RTF1: variants seen among roughly 807,000 people sequenced by gnomAD.
RTF1 encodes the protein RTF1 homolog, Paf1/RNA polymerase II complex component, also known as RNA polymerase-associated protein RTF1 homolog.
RTF1 carries 10 observed loss-of-function variants against 95.7 expected under a neutral mutation model. The observed-to-expected ratio is 0.10, with a 90% CI of 0.06 to 0.18. The LOEUF is 0.18. Among genes scored for constraint, RTF1 ranks in the 10% least tolerant of loss-of-function variants. The pLI is 1.00. For synonymous variants in RTF1, 305 were observed against 311.8 expected (o/e 0.98, Z 0.23); for missense variants, 458 against 875.6 (o/e 0.52, Z 6.02).
intron 1 of RTF1, among the ~76,000 whole-genome samples, chr15:41,423,322 C>T (rs900311878): frequency 3.9e-5 from 6 of 152,072 alleles, no homozygotes; most frequent in Admixed American, 6.6e-5. Context: ...TGATGTAATT[C>T]GCTTGTTAAT....
intron 1 of RTF1, among the ~76,000 whole-genome samples, chr15:41,435,487 T>C (rs2050697409): frequency 6.6e-6 from 1 of 152,082 alleles, no homozygotes. Flanking sequence ...CCTCAGGTTT[T>C]AAAACGACTG....
intron 1 of RTF1, among the ~76,000 whole-genome samples, chr15:41,422,103 C>G (rs1263831400): frequency 6.6e-6 from 1 of 152,096 alleles, no homozygotes; most frequent in Non-Finnish European, 1.5e-5. Flanking sequence ...AGCACGATCT[C>G]GACTCACTGC....
At chr15:41,468,972 C>A (rs974953268) in intron 6 of RTF1, among the ~76,000 whole-genome samples, 3 of 151,878 alleles carry the variant, frequency 2.0e-5, no homozygotes, top group East Asian at 1.9e-4. Flanking sequence ...CCATCTTTTT[C>A]TCTCTCTCTT....
intron 17 of RTF1, 119 bp from the exon 18 acceptor site, chr15:41,480,462 G>C: frequency 1.0e-6 from 1 of 958,388 alleles, no homozygotes; most frequent in Non-Finnish European, 1.7e-6. Flanking sequence ...GCCAAGACAG[G>C]CTGTGGGTAT....
At chr15:41,475,340 T>TG (rs2050937176) in intron 9 of RTF1, among the ~76,000 whole-genome samples, 185 bp from the exon 10 acceptor site, 1 of 152,242 alleles carries the variant, frequency 6.6e-6, no homozygotes, top group African/African-American at 2.4e-5. Context: ...TGGTTTCCAG[T>TG]GCTAGCTTTG....
At chr15:41,442,120 T>G (rs1415237939) in intron 2 of RTF1, among the ~76,000 whole-genome samples, 2 of 152,126 alleles carry the variant, frequency 1.3e-5, no homozygotes, top group Admixed American at 6.6e-5. Context: ...TGAGAGATTC[T>G]TAGGTTATAA....
intron 3 of RTF1, among the ~76,000 whole-genome samples, chr15:41,454,666 G>T (rs1054655073): frequency 1.3e-5 from 2 of 152,040 alleles, no homozygotes; most frequent in Admixed American, 1.3e-4. Flanking sequence ...TAAAATAATG[G>T]GACAAACAGA....
intron 3 of RTF1, among the ~76,000 whole-genome samples, chr15:41,454,497 A>AT (rs1186526542): frequency 6.6e-6 from 1 of 152,198 alleles, no homozygotes; most frequent in Non-Finnish European, 1.5e-5. Flanking sequence ...TTACTCAAGA[A>AT]TCCTCAATGA....
At chr15:41,427,145 A>ATTTT (rs1225127893) in intron 1 of RTF1, among the ~76,000 whole-genome samples, 1 of 78,132 alleles carries the variant, frequency 1.3e-5, no homozygotes, top group African/African-American at 6.1e-5. Context: ...TGGTCTACAA[A>ATTTT]TTTTTTTTTT....
At chr15:41,460,335 C>A (rs1012442626) in intron 4 of RTF1, among the ~76,000 whole-genome samples, 1 of 151,944 alleles carries the variant, frequency 6.6e-6, no homozygotes, top group African/African-American at 2.4e-5. Context: ...GTTGGCCAGG[C>A]TGGTCTCAAA....
chr15:41,450,441 C>T (rs570297460), intron 2 of RTF1, among the ~76,000 whole-genome samples: 118 of 152,042 alleles, frequency 7.8e-4, no homozygotes, highest in African/African-American at 2.7e-3. Context: ...CAAAATTAGC[C>T]GGGCGTGGTG....
At chr15:41,427,913 A>C (rs1011220430) in intron 1 of RTF1, among the ~76,000 whole-genome samples, 1 of 151,712 alleles carries the variant, frequency 6.6e-6, no homozygotes, top group Non-Finnish European at 1.5e-5. Flanking sequence ...TAGCTTCCCA[A>C]GTAGCTGGGA....
chr15:41,434,962 CT>C (rs36045578), intron 1 of RTF1, among the ~76,000 whole-genome samples: 27,426 of 131,502 alleles, frequency 0.21, 2,990 homozygotes, highest in Middle Eastern at 0.29. Flanking sequence ...TACAGTAACT[CT>C]TTTTTTTTTT....
intron 1 of RTF1, among the ~76,000 whole-genome samples, chr15:41,422,785 C>CT (rs1331715119): frequency 6.6e-6 from 1 of 151,444 alleles, no homozygotes; most frequent in Admixed American, 6.6e-5. Flanking sequence ...TTTCTTTTTT[C>CT]TTTTTTTTGA....
intron 2 of RTF1, among the ~76,000 whole-genome samples, chr15:41,445,173 G>C (rs2140954866): frequency 6.6e-6 from 1 of 152,068 alleles, no homozygotes; most frequent in Non-Finnish European, 1.5e-5. Flanking sequence ...CTGACCTCGT[G>C]ATCCACCCGC....
intron 8 of RTF1, among the ~76,000 whole-genome samples, chr15:41,472,984 A>T (rs867299735): frequency 6.6e-6 from 1 of 151,862 alleles, no homozygotes; most frequent in Non-Finnish European, 1.5e-5. Flanking sequence ...TACAGGCGTG[A>T]GCCACCGCAC....
intron 8 of RTF1, among the ~76,000 whole-genome samples, chr15:41,473,773 A>G (rs929463924): frequency 1.4e-4 from 20 of 147,008 alleles, no homozygotes; most frequent in Non-Finnish European, 2.4e-4. Context: ...GGCTGGGCGC[A>G]GTGGCTCACG....
chr15:41,471,963 G>A (rs1453462890), intron 8 of RTF1, among the ~76,000 whole-genome samples: 8 of 149,068 alleles, frequency 5.4e-5, no homozygotes, highest in South Asian at 2.1e-4. Context: ...CAATGGCGTG[G>A]TCTTGGCTCA....
chr15:41,444,451 G>T (rs1168550874), intron 2 of RTF1, among the ~76,000 whole-genome samples: 1 of 151,630 alleles, frequency 6.6e-6, no homozygotes, highest in African/African-American at 2.4e-5. Flanking sequence ...CTGCCACCAC[G>T]CCCGGCTAAC....
Sources: allele counts gnomAD v4.1 joint callset (sites outside exome capture counted in the v4.1 genomes callset), GRCh38; gene constraint gnomAD v4.1.1; transcripts MANE v1.5; gene names NCBI Gene and HGNC (gene_info 2026-07-23, HGNC 2026-07-21).